The following RBFOX1 variants were observed in gnomAD, a reference collection of about 807,000 sequenced individuals.
RBFOX1 encodes the protein RNA binding fox-1 homolog 1, also known as RNA binding protein fox-1 homolog 1.
In RBFOX1, 8 loss-of-function variants were observed where a neutral mutation model predicts 57.7. That is an observed-to-expected ratio of 0.14 (90% CI 0.08 to 0.25). RBFOX1 has a LOEUF of 0.25. RBFOX1 is among the 10% of genes least tolerant of loss of function. The probability of loss-of-function intolerance (pLI) is 1.00; values close to 1 mark genes in which losing one functional copy is unlikely to be tolerated. For synonymous variants in RBFOX1, 326 were observed against 222.4 expected (o/e 1.47, Z -4.15); for missense variants, 611 against 548.5 (o/e 1.11, Z -1.14).
In RBFOX1 at chr16:6,796,137, T is replaced by C. The variant is rs144444356; in HGVS notation, c.-16+141487T>C. ...CACAGTCATGGCGGAAGGTGAAAGG[T>C]ATGTCTCACATGGTGGCGGACAAGA... is the stretch of plus-strand genomic sequence containing the variant. On this transcript the variant is annotated intron_variant, in intron 3 of 15. Coordinates refer to ENST00000550418, the MANE Select transcript of RBFOX1 (RefSeq NM_018723.4). Among the ~76,000 whole-genome samples, 1,370 of 152,188 alleles carry C rather than the reference T, an allele frequency of 9.0e-3. 12 individuals carry two copies. The highest frequency in any genetic ancestry group is 0.014 in the Non-Finnish European group (937 of 68,018).
At chr16:7,129,062 G>A (rs959190570) in intron 4 of RBFOX1, among the ~76,000 whole-genome samples, 5 of 151,742 alleles carry the variant, frequency 3.3e-5, no homozygotes, top group East Asian at 1.9e-4. Context: ...CTCGTGATCC[G>A]CCCACCTCAG....
intron 11 of RBFOX1, 72 bp from the exon 12 acceptor site, chr16:7,653,743 G>T: frequency 6.3e-7 from 1 of 1,592,634 alleles, no homozygotes; most frequent in Non-Finnish European, 8.5e-7. Context: ...GGTTCCCGGG[G>T]CAGTTCCCTC....
chr16:7,710,497 A>C, intron 15 of RBFOX1, 126 bp from the exon 16 acceptor site: 1 of 1,551,902 alleles, frequency 6.4e-7, no homozygotes, highest in Non-Finnish European at 8.6e-7. Context: ...ATGACCTGGG[A>C]TGGGTAGGGG....
intron 3 of RBFOX1, among the ~76,000 whole-genome samples, chr16:6,884,472 C>T (rs2063568529): frequency 6.6e-6 from 1 of 152,146 alleles, no homozygotes; most frequent in African/African-American, 2.4e-5. Context: ...TTATTAGTGG[C>T]TACAAACTGT....
intron 4 of RBFOX1, among the ~76,000 whole-genome samples, chr16:7,228,243 A>G (rs2093275913): frequency 6.6e-6 from 1 of 152,196 alleles, no homozygotes; most frequent in South Asian, 2.1e-4. Flanking sequence ...GAATGAATGA[A>G]TGAATGAACT....
At chr16:6,383,048 G>C (rs189859142) in intron 2 of RBFOX1, among the ~76,000 whole-genome samples, 5 of 152,284 alleles carry the variant, frequency 3.3e-5, no homozygotes, top group Non-Finnish European at 5.9e-5. Context: ...TTGACATCTG[G>C]TGCCCAAGAA....
chr16:7,657,570 G>C (rs2066626402), intron 12 of RBFOX1, among the ~76,000 whole-genome samples: 1 of 152,226 alleles, frequency 6.6e-6, no homozygotes, highest in South Asian at 2.1e-4. Flanking sequence ...CTCCCAAAGT[G>C]CTGGGATTAT....
intron 4 of RBFOX1, among the ~76,000 whole-genome samples, chr16:5,975,740 T>A (rs2060049212): frequency 6.6e-6 from 1 of 152,204 alleles, no homozygotes; most frequent in Admixed American, 6.5e-5. Flanking sequence ...GCAATCTAGG[T>A]TCTGCCATTT....
intron 2 of RBFOX1, among the ~76,000 whole-genome samples, chr16:6,635,068 T>C (rs890820337): frequency 1.1e-4 from 13 of 113,832 alleles, no homozygotes; most frequent in Admixed American, 5.0e-4. Flanking sequence ...ATATATGTTA[T>C]ATATTTTAAT....
intron 4 of RBFOX1, among the ~76,000 whole-genome samples, chr16:7,330,664 T>C (rs1487666411): frequency 1.3e-5 from 2 of 152,054 alleles, no homozygotes; most frequent in African/African-American, 4.8e-5. Flanking sequence ...TTACCTCTCT[T>C]CTATGCTCAG....
intron 1 of RBFOX1, among the ~76,000 whole-genome samples, chr16:5,348,518 A>G (rs755430899): frequency 1.3e-5 from 2 of 152,224 alleles, no homozygotes; most frequent in Non-Finnish European, 2.9e-5. Context: ...GCCCAGGAAT[A>G]CATATCTAAG....
chr16:5,970,492 G>A (rs753233441), intron 4 of RBFOX1, among the ~76,000 whole-genome samples: 2 of 152,078 alleles, frequency 1.3e-5, no homozygotes, highest in Non-Finnish European at 2.9e-5. Flanking sequence ...CATTCTCTAG[G>A]TTCTAAGCCA....
chr16:6,411,214 G>T (rs992259981), intron 2 of RBFOX1, among the ~76,000 whole-genome samples: 1 of 152,254 alleles, frequency 6.6e-6, no homozygotes. Flanking sequence ...AACCCCTGGG[G>T]CAAGCAGTTC....
At chr16:7,068,159 C>A (rs920082799) in intron 4 of RBFOX1, among the ~76,000 whole-genome samples, 1 of 151,908 alleles carries the variant, frequency 6.6e-6, no homozygotes, top group African/African-American at 2.4e-5. Context: ...TTTTAAGATC[C>A]GTAATTATAA....
chr16:5,281,864 C>G (rs913125483), intron 1 of RBFOX1, among the ~76,000 whole-genome samples: 11 of 152,164 alleles, frequency 7.2e-5, no homozygotes, highest in Non-Finnish European at 1.5e-4. Context: ...CATTTTTTAT[C>G]CGTTAAGCCT....
intron 4 of RBFOX1, among the ~76,000 whole-genome samples, chr16:5,900,983 GAGA>G (rs1294550474): frequency 4.6e-5 from 7 of 152,238 alleles, no homozygotes; most frequent in Admixed American, 1.3e-4. Context: ...GTGAGAAGCA[GAGA>G]AGCACTGTCC....
rs114280967 is a variant in RBFOX1, at chr16:6,855,754, C to T, written c.-15-196303C>T. ...TATTGGATTCATTTAATTGCGCAGCCCTTGGAAGTTTTATCCTCTACCTTT... is the reference window on the plus strand; with the variant it reads ...TATTGGATTCATTTAATTGCGCAGCTCTTGGAAGTTTTATCCTCTACCTTT... On this transcript the variant is annotated intron_variant, in intron 3 of 15. Coordinates refer to ENST00000550418, the MANE Select transcript of RBFOX1 (RefSeq NM_018723.4). Among the ~76,000 whole-genome samples the T allele has an allele frequency of 5.6e-3, 858 of 151,974 alleles. 14 individuals carry two copies. Among genetic ancestry groups the T allele is most frequent in the African/African-American group, 0.02 (811 of 41,436 alleles).
chr16:7,304,908 GTGGTGTGGTGTGT>G (rs1336394013), intron 4 of RBFOX1, among the ~76,000 whole-genome samples: 1 of 128,232 alleles, frequency 7.8e-6, no homozygotes, highest in Admixed American at 9.2e-5. Context: ...TGTGTGGTGT[GTGGTGTGGTGTGT>G]GTGTGTGTGT....
At chr16:7,070,078 G>A (rs1374202965) in intron 4 of RBFOX1, among the ~76,000 whole-genome samples, 1 of 152,168 alleles carries the variant, frequency 6.6e-6, no homozygotes, top group Non-Finnish European at 1.5e-5. Flanking sequence ...CATCACTGCT[G>A]TTGTAGGATG....
Sources: allele counts gnomAD v4.1 joint callset (sites outside exome capture counted in the v4.1 genomes callset), GRCh38; gene constraint gnomAD v4.1.1; transcripts MANE v1.5; gene names NCBI Gene and HGNC (gene_info 2026-07-23, HGNC 2026-07-21).